DTNB: variants seen among roughly 807,000 people sequenced by gnomAD.
DTNB encodes DTN-B.
DTNB carries 63 observed loss-of-function variants against 90.7 expected under a neutral mutation model. The ratio of observed to expected loss-of-function variants is 0.69; its 90% CI spans 0.57 to 0.86. DTNB has a LOEUF of 0.86. DTNB is among the 40% of genes least tolerant of loss of function. The pLI, the probability that DTNB is intolerant of heterozygous loss-of-function variation, is 0.00. For missense variants in DTNB, 744 were observed against 807.1 expected, an observed-to-expected ratio of 0.92 and a Z score of 0.95; for synonymous variants, 277 against 286.7, an observed-to-expected ratio of 0.97 and a Z score of 0.34.
chr2:25,400,143 G>C (rs1164700440), intron 16 of DTNB, among the ~76,000 whole-genome samples: 1 of 152,210 alleles, frequency 6.6e-6, no homozygotes, highest in Non-Finnish European at 1.5e-5. Context: ...CTGAAATAAG[G>C]TCCTTCTAAC....
intron 5 of DTNB, among the ~76,000 whole-genome samples, chr2:25,597,596 T>A (rs886311449): frequency 9.9e-5 from 15 of 152,164 alleles, no homozygotes; most frequent in African/African-American, 3.6e-4. Context: ...ACCAAAGGAA[T>A]GAAAATCTTC....
chr2:25,438,466 A>G (rs1175006479), intron 12 of DTNB, among the ~76,000 whole-genome samples: 3 of 152,130 alleles, frequency 2.0e-5, no homozygotes, highest in African/African-American at 7.2e-5. Flanking sequence ...AGCCATGGAG[A>G]GGAGTTTCCA....
In DTNB at chr2:25,451,648, T is replaced by C; in HGVS notation, c.1170-13A>G. 6.4e-7 allele frequency: 1 copy of C among 1,564,504 alleles called. No individual in the cohort carries two copies. Among genetic ancestry groups the C allele is most frequent in the Non-Finnish European group, 8.7e-7 (1 of 1,152,306 alleles). ...ACTGTCCAGAACACTGCCAAGGAAA[T>C]AAAAATGCAACAAGTGTCTATTAAA... On this transcript the variant is annotated splice_polypyrimidine_tract_variant and intron_variant, in intron 11 of 20. Transcript: ENST00000406818.
At chr2:25,660,639 G>C (rs2082973259) in intron 1 of DTNB, among the ~76,000 whole-genome samples, 1 of 152,064 alleles carries the variant, frequency 6.6e-6, no homozygotes, top group Admixed American at 6.6e-5. Flanking sequence ...ATAACCCTAA[G>C]GTAATCGTTT....
rs904158612 is a variant in DTNB, at chr2:25,488,091, G to A, written c.1002-5218C>T. 6.6e-5 allele frequency among the ~76,000 whole-genome samples: 10 copies of A among 152,096 alleles called. No homozygotes were observed. The East Asian group carries it at 1.7e-3, about 26-fold the overall frequency. ...AGTTCAGTGACTCTGAACTTCTAGG[G>A]GTGAGGGGAATCTTTGCCCCACATA... On this transcript the variant is annotated intron_variant, in intron 9 of 20. Coordinates refer to ENST00000406818, the MANE Select transcript of DTNB (RefSeq NM_021907.5).
rs562933463 is a variant in DTNB at position 25,387,621 on chromosome 2, C to T, written c.1736-243G>A. Among the ~76,000 whole-genome samples, 3 of 152,274 alleles carry T rather than the reference C, an allele frequency of 2.0e-5. No homozygotes were observed. Among genetic ancestry groups the T allele is most frequent in the Middle Eastern group, 3.4e-3 (1 of 294 alleles). ...GCATCCTGTCAACTCCACGCTTTGC[C>T]GCCACCACACAATCCAGAGCTGGGT... On this transcript the variant is annotated intron_variant, in intron 17 of 20. Transcript: ENST00000406818. This position sits in a 1 kb window ranked among gnomAD's most constrained non-coding sequence, Gnocchi z 4.5.
chr2:25,501,266 G>A (rs558498002), intron 9 of DTNB, among the ~76,000 whole-genome samples: 1 of 151,588 alleles, frequency 6.6e-6, no homozygotes, highest in East Asian at 2.0e-4. Context: ...AGGCTTGAGT[G>A]CAGTGGCAGG....
chr2:25,388,109 C>T (rs1266524724), intron 17 of DTNB, 93 bp downstream of exon 17: 2 of 1,515,528 alleles, frequency 1.3e-6, no homozygotes, highest in Non-Finnish European at 1.8e-6. Context: ...AAGCAAAGAG[C>T]ACAAAACAGA....
At chr2:25,392,056 C>T (rs111275602) in intron 16 of DTNB, among the ~76,000 whole-genome samples, 2 of 151,976 alleles carry the variant, frequency 1.3e-5, no homozygotes, top group Admixed American at 6.6e-5. Flanking sequence ...AGAGAAATAA[C>T]GAAGATCAGA....
chr2:25,410,533 T>C (rs1342770948), intron 16 of DTNB, among the ~76,000 whole-genome samples: 2 of 152,142 alleles, frequency 1.3e-5, no homozygotes, highest in Non-Finnish European at 2.9e-5. Flanking sequence ...CCAAAACCAT[T>C]TTTGTTCATC....
In DTNB at chr2:25,568,745, C is replaced by T. The variant is rs546277025; in HGVS notation, c.876+8093G>A. ...ACAGATACTGGGTAGAAGATCACTG[C>T]GACAATGTCTCCACCACACAGGCAC... On this transcript the variant is annotated intron_variant, in intron 8 of 20. Transcript: ENST00000406818. Among the ~76,000 whole-genome samples, 5 of 152,318 alleles carry T rather than the reference C, an allele frequency of 3.3e-5. No homozygotes were observed. In the South Asian group the frequency reaches 6.2e-4, roughly 19 times the overall value.
At chr2:25,640,707 T>TA (rs955434561) in intron 2 of DTNB, among the ~76,000 whole-genome samples, 2 of 152,014 alleles carry the variant, frequency 1.3e-5, no homozygotes, top group African/African-American at 4.8e-5. Context: ...CCCAGCAGTT[T>TA]AAAACCAGCC....
At chr2:25,502,036 T>C (rs997967896) in intron 9 of DTNB, among the ~76,000 whole-genome samples, 4 of 151,944 alleles carry the variant, frequency 2.6e-5, no homozygotes, top group Non-Finnish European at 5.9e-5. Flanking sequence ...AATAAAAAAT[T>C]AGCTGGGCAT....
intron 8 of DTNB, among the ~76,000 whole-genome samples, chr2:25,544,256 T>C (rs1299519475): frequency 6.6e-6 from 1 of 152,202 alleles, no homozygotes; most frequent in African/African-American, 2.4e-5. Flanking sequence ...TCATGTGTGC[T>C]CCTGTGCCAG....
intron 9 of DTNB, chr2:25,497,257 G>A (rs2069135966): frequency 6.6e-6 from 1 of 152,254 alleles, no homozygotes; most frequent in Non-Finnish European, 1.5e-5. Context: ...GTAGCACACA[G>A]TGTAGGTACT....
At chr2:25,646,358 G>A (rs1178119384) in intron 2 of DTNB, among the ~76,000 whole-genome samples, 1 of 151,970 alleles carries the variant, frequency 6.6e-6, no homozygotes, top group South Asian at 2.1e-4. Context: ...TGTAATCCCA[G>A]CTACTTGGGA....
intron 16 of DTNB, among the ~76,000 whole-genome samples, chr2:25,392,737 T>C (rs1001030550): frequency 2.6e-5 from 4 of 152,014 alleles, no homozygotes; most frequent in Admixed American, 6.6e-5. Context: ...AGCAGTGAGA[T>C]TGAAATGGTA....
chr2:25,481,411 TA>T (rs5829978), intron 10 of DTNB, among the ~76,000 whole-genome samples: 23 of 141,762 alleles, frequency 1.6e-4, no homozygotes, highest in African/African-American at 3.1e-4. Flanking sequence ...TCTCCAAATT[TA>T]AAAAAAAAAA....
chr2:25,577,265 T>C (rs1358083510), intron 7 of DTNB, among the ~76,000 whole-genome samples: 6 of 151,944 alleles, frequency 3.9e-5, no homozygotes, highest in Non-Finnish European at 8.8e-5. Flanking sequence ...CAAAACCCTG[T>C]CTCTACTAAA....
Sources: gnomAD v4.1 joint callset for allele counts (sites outside exome capture counted in the v4.1 genomes callset) on GRCh38, gnomAD v4.1.1 for gene constraint, Gnocchi (gnomAD v3.1) non-coding constraint, MANE v1.5 for transcripts, NCBI Gene and HGNC (gene_info 2026-07-23, HGNC 2026-07-21) for gene names.